Variants in HERC6 observed in about 807,000 individuals in gnomAD.
The protein encoded by HERC6 is probable E3 ubiquitin-protein ligase HERC6.
In HERC6, 101 loss-of-function variants were observed where a neutral mutation model predicts 114.5. The ratio of observed to expected loss-of-function variants is 0.88; its 90% CI spans 0.75 to 1.04. The LOEUF is 1.04. Among genes scored for constraint, HERC6 ranks in the 50% least tolerant of loss-of-function variants. The pLI is 0.00. For missense variants in HERC6, 1,133 were observed against 1,230.9 expected, an observed-to-expected ratio of 0.92 and a Z score of 1.19; for synonymous variants, 408 against 436.2, an observed-to-expected ratio of 0.94 and a Z score of 0.81.
chr4:88,408,351 A>G (rs1236163472), intron 10 of HERC6, among the ~76,000 whole-genome samples, 173 bp from the exon 11 acceptor site: 1 of 152,254 alleles, frequency 6.6e-6, no homozygotes. Context: ...TTTAACAAGG[A>G]GAACATAAAC....
At chr4:88,418,383 C>A (rs1560555268) in intron 13 of HERC6, among the ~76,000 whole-genome samples, 1 of 152,186 alleles carries the variant, frequency 6.6e-6, no homozygotes, top group Non-Finnish European at 1.5e-5. Context: ...TGACTTAGGA[C>A]AAGCCCAGCT....
chr4:88,390,518 TTAAA>T, intron 3 of HERC6, 130 bp from the exon 4 acceptor site: 1 of 799,502 alleles, frequency 1.3e-6, no homozygotes, highest in Non-Finnish European at 2.0e-6. Flanking sequence ...ATTGTATACC[TTAAA>T]TAGATGAAAT....
intron 20 of HERC6, among the ~76,000 whole-genome samples, chr4:88,439,389 G>A (rs551369845): frequency 6.7e-6 from 1 of 149,274 alleles, no homozygotes; most frequent in South Asian, 2.2e-4. Context: ...AAAGAAGAAA[G>A]AAAGAAAAGG....
At chr4:88,402,855 G>C (rs1190599472) in intron 8 of HERC6, among the ~76,000 whole-genome samples, 2 of 152,132 alleles carry the variant, frequency 1.3e-5, no homozygotes, top group African/African-American at 4.8e-5. Context: ...AGTTTCCTGG[G>C]ATGTGGGGGG....
chr4:88,428,844 G>T, intron 16 of HERC6, 94 bp downstream of exon 16: 1 of 1,050,882 alleles, frequency 9.5e-7, no homozygotes. Context: ...GCCTGCATTT[G>T]CCTCTATGGT....
rs1260100057 is a variant in HERC6, at chr4:88,378,919, G to C, written c.-3G>C. On this transcript the variant is annotated 5_prime_UTR_variant, in exon 1 of 23. Coordinates refer to ENST00000264346, the MANE Select transcript of HERC6 (RefSeq NM_017912.4). ...GGAGCAGGCGACAGGGCGCAGAAGC[G>C]GGATGTACTTCTGTTGGGGCGCCGA... 6.3e-7 allele frequency: 1 copy of C among 1,587,422 alleles called. No homozygotes were observed. The highest frequency in any genetic ancestry group is 1.3e-5 in the African/African-American group (1 of 74,496).
At chr4:88,426,758 G>A (rs1471042295) in intron 15 of HERC6, among the ~76,000 whole-genome samples, 1 of 152,246 alleles carries the variant, frequency 6.6e-6, no homozygotes, top group Non-Finnish European at 1.5e-5. Context: ...TTACAGGCGT[G>A]AGCCACCACG....
Position 88,417,508 on chromosome 4 carries a change from C to T in HERC6, c.1642C>T (p.His548Tyr). The change falls in exon 13 of 23, where the codon CAT (histidine) becomes TAT (tyrosine). Residue 548 changes from histidine to tyrosine, a missense_variant. Around this residue, in one of 3 missense-constraint regions of HERC6, gnomAD observed 735 missense variants for 754.0 expected, o/e 0.97. Coordinates refer to ENST00000264346, the MANE Select transcript of HERC6 (RefSeq NM_017912.4). The part of the protein sequence containing the change: ...LKAAIISQLL[H>Y]QTKTEQDHCN... ...AGCAGCCATCATCTCTCAGCTGCTT[C>T]ATCAGACTAAAACCGAACAGGATCA... The T allele has an allele frequency of 6.2e-7, 1 of 1,612,486 alleles. No homozygotes were observed. The highest frequency in any genetic ancestry group is 8.5e-7 in the Non-Finnish European group (1 of 1,179,246).
intron 16 of HERC6, among the ~76,000 whole-genome samples, chr4:88,430,569 C>CAAATAAATAAATAAAT (rs375978104): frequency 3.4e-4 from 48 of 141,308 alleles, no homozygotes; most frequent in African/African-American, 1.1e-3. Flanking sequence ...GACTCCATCT[C>CAAATAAATAAATAAAT]AAATAAATAA....
At chr4:88,431,333 C>T in intron 17 of HERC6, 28 bp downstream of exon 17, 2 of 1,574,552 alleles carry the variant, frequency 1.3e-6, no homozygotes, top group Admixed American at 2.0e-5. Flanking sequence ...TTTTTTTCCC[C>T]CAGAACAGAA....
At chr4:88,432,693 C>T (rs1230410329) in intron 17 of HERC6, among the ~76,000 whole-genome samples, 1 of 151,642 alleles carries the variant, frequency 6.6e-6, no homozygotes, top group East Asian at 1.9e-4. Flanking sequence ...TGCGCCATAG[C>T]ACCCCAGCCT....
At chr4:88,404,772 A>G (rs954682543) in intron 8 of HERC6, 104 bp from the exon 9 acceptor site, 1 of 1,415,620 alleles carries the variant, frequency 7.1e-7, no homozygotes. Flanking sequence ...CTACCACCCA[A>G]GAGGGCAGGG....
chr4:88,423,108 T>G (rs1737236099), intron 13 of HERC6, among the ~76,000 whole-genome samples: 1 of 151,976 alleles, frequency 6.6e-6, no homozygotes, highest in South Asian at 2.1e-4. Context: ...GTTTTTTCTT[T>G]TTTAAAGACG....
intron 12 of HERC6, among the ~76,000 whole-genome samples, chr4:88,416,239 T>C (rs976181885): frequency 6.6e-6 from 1 of 152,222 alleles, no homozygotes; most frequent in Non-Finnish European, 1.5e-5. Context: ...CCCTAGTCAA[T>C]TGACCTCGTC....
At chr4:88,431,016 G>C in intron 16 of HERC6, 146 bp from the exon 17 acceptor site, 1 of 673,784 alleles carries the variant, frequency 1.5e-6, no homozygotes, top group Middle Eastern at 4.2e-4. Context: ...GCAAACTGAG[G>C]GAAGACAGAT....
intron 8 of HERC6, among the ~76,000 whole-genome samples, chr4:88,403,922 A>G (rs1432277755): frequency 6.6e-6 from 1 of 152,272 alleles, no homozygotes; most frequent in Admixed American, 6.5e-5. Context: ...TACTTTCACA[A>G]TATTGTTCAA....
Position 88,442,647 on chromosome 4 carries a change from A to C in HERC6, c.*187A>C. 1 of 612,058 alleles carries C rather than the reference A, an allele frequency of 1.6e-6. No individual in the cohort carries two copies. The highest frequency in any genetic ancestry group is 2.0e-5 in the South Asian group (1 of 50,898). The allele number at this position is 612,058 out of a possible 1,614,324, so 37.9% of individuals were successfully genotyped here. ...TCACACAAGACTGAGGCAGGAGAAT[A>C]GGGTACAGAGATAGGGATCTAAGGA... On this transcript the variant is annotated 3_prime_UTR_variant, in exon 23 of 23. Coordinates refer to ENST00000264346, the MANE Select transcript of HERC6 (RefSeq NM_017912.4).
At chr4:88,396,713 C>T in intron 6 of HERC6, 138 bp from the exon 7 acceptor site, 1 of 636,962 alleles carries the variant, frequency 1.6e-6, no homozygotes, top group East Asian at 2.9e-5. Context: ...CTAACACTGA[C>T]ATTGTGATAA....
chr4:88,390,189 A>G (rs1200543255), intron 3 of HERC6, among the ~76,000 whole-genome samples: 7 of 150,748 alleles, frequency 4.6e-5, no homozygotes, highest in Non-Finnish European at 1.0e-4. Flanking sequence ...AAAAAAAAAA[A>G]AAAAAAAAAA....
Sources: allele counts gnomAD v4.1 joint callset (sites outside exome capture counted in the v4.1 genomes callset), GRCh38; gene constraint gnomAD v4.1.1; regional missense constraint gnomAD v4.1.1; transcripts MANE v1.5; gene names NCBI Gene and HGNC (gene_info 2026-07-23, HGNC 2026-07-21).